ASIC2: variants seen among roughly 807,000 people sequenced by gnomAD.
The protein encoded by ASIC2 is acid sensing ion channel subunit 2.
ASIC2 carries 25 observed loss-of-function variants against 57.3 expected under a neutral mutation model. The observed-to-expected ratio is 0.44, with a 90% CI of 0.32 to 0.61. The LOEUF is 0.61. Among genes scored for constraint, ASIC2 ranks in the 20% least tolerant of loss-of-function variants. The probability of loss-of-function intolerance (pLI) is 0.06; values close to 1 mark genes in which losing one functional copy is unlikely to be tolerated. For missense variants in ASIC2, 641 were observed against 738.1 expected, an observed-to-expected ratio of 0.87 and a Z score of 1.52; for synonymous variants, 319 against 307.5, an observed-to-expected ratio of 1.04 and a Z score of -0.39.
intron 1 of ASIC2, among the ~76,000 whole-genome samples, chr17:33,228,357 G>T (rs1051632866): frequency 1.4e-4 from 22 of 152,186 alleles, no homozygotes; most frequent in East Asian, 1.2e-3. Context: ...TGAAAAAAAA[G>T]AAGGGGGGTA....
chr17:33,687,988 CAT>C (rs1908247496), intron 1 of ASIC2, among the ~76,000 whole-genome samples: 1 of 152,152 alleles, frequency 6.6e-6, no homozygotes, highest in Non-Finnish European at 1.5e-5. Context: ...GGAGATTAAT[CAT>C]AGCATTTTTC....
chr17:33,464,691 A>C (rs62068225), intron 1 of ASIC2, among the ~76,000 whole-genome samples: 45,090 of 92,214 alleles, frequency 0.49, 8,044 homozygotes, highest in African/African-American at 0.56. Context: ...CTCTCTCTAT[A>C]TATATATATA....
chr17:33,878,663 A>G (rs1412389949), intron 1 of ASIC2, among the ~76,000 whole-genome samples: 1 of 152,236 alleles, frequency 6.6e-6, no homozygotes, highest in Non-Finnish European at 1.5e-5. Flanking sequence ...GGAGAATGGA[A>G]CCAAGTTGGA....
chr17:34,019,778 TC>T (rs1907090801), intron 1 of ASIC2, among the ~76,000 whole-genome samples: 1 of 152,192 alleles, frequency 6.6e-6, no homozygotes, highest in Non-Finnish European at 1.5e-5. Context: ...CCACAATATC[TC>T]CAAAGTATGA....
chr17:33,354,847 GC>G (rs1440060140), intron 1 of ASIC2, among the ~76,000 whole-genome samples: 1 of 152,134 alleles, frequency 6.6e-6, no homozygotes, highest in Non-Finnish European at 1.5e-5. Context: ...ATTTACCATT[GC>G]CCTCTCCCCT....
At chr17:34,000,864 T>C (rs2142015239) in intron 1 of ASIC2, 1 of 152,328 alleles carries the variant, frequency 6.6e-6, no homozygotes. Flanking sequence ...TGAAACTCTT[T>C]ATGAACATTT....
At chr17:33,864,048 C>A in intron 1 of ASIC2, among the ~76,000 whole-genome samples, 1 of 152,108 alleles carries the variant, frequency 6.6e-6, no homozygotes, top group South Asian at 2.1e-4. Flanking sequence ...GGATTACAGG[C>A]AAGCACTATT....
At chr17:33,250,652 T>C (rs1234822064) in intron 1 of ASIC2, among the ~76,000 whole-genome samples, 1 of 152,220 alleles carries the variant, frequency 6.6e-6, no homozygotes, top group East Asian at 1.9e-4. Flanking sequence ...TTTTGTTTTA[T>C]AGGAAAACAT....
intron 1 of ASIC2, among the ~76,000 whole-genome samples, chr17:34,021,254 TA>T (rs910343960): frequency 2.2e-3 from 317 of 142,968 alleles, no homozygotes; most frequent in African/African-American, 4.1e-3. Context: ...ACAAACAAAT[TA>T]AAAAAAAAAA....
At chr17:34,088,261 A>G (rs1173809801) in intron 1 of ASIC2, among the ~76,000 whole-genome samples, 2 of 152,192 alleles carry the variant, frequency 1.3e-5, no homozygotes, top group African/African-American at 2.4e-5. Flanking sequence ...CTTCTAACAG[A>G]CAGGACCCTC....
intron 1 of ASIC2, among the ~76,000 whole-genome samples, chr17:33,226,137 G>A (rs780392767): frequency 6.6e-6 from 1 of 152,060 alleles, no homozygotes; most frequent in Non-Finnish European, 1.5e-5. Flanking sequence ...CTTTGTTATT[G>A]GTTTCCAGCC....
intron 7 of ASIC2, among the ~76,000 whole-genome samples, chr17:33,019,999 T>C (rs1200130874): frequency 1.3e-5 from 2 of 151,842 alleles, no homozygotes. Context: ...GAGTGAGGGG[T>C]CTATGTCTCT....
chr17:33,074,930 T>G (rs2092083502), intron 3 of ASIC2, among the ~76,000 whole-genome samples: 1 of 152,158 alleles, frequency 6.6e-6, no homozygotes, highest in South Asian at 2.1e-4. Flanking sequence ...CATGCAAAGA[T>G]GGATGTTACA....
intron 1 of ASIC2, among the ~76,000 whole-genome samples, chr17:33,264,419 T>C (rs1250857773): frequency 6.6e-6 from 1 of 152,168 alleles, no homozygotes; most frequent in Non-Finnish European, 1.5e-5. Context: ...ATTTTACAGA[T>C]GAGAAAACCA....
intron 1 of ASIC2, among the ~76,000 whole-genome samples, chr17:33,640,952 C>A (rs761741972): frequency 3.9e-5 from 6 of 152,262 alleles, no homozygotes; most frequent in Admixed American, 1.3e-4. Context: ...GAGTCCCTAC[C>A]TTGGAAAAAG....
intron 1 of ASIC2, among the ~76,000 whole-genome samples, chr17:34,099,661 A>AAGG (rs1164184378): frequency 1.4e-5 from 2 of 147,928 alleles, no homozygotes; most frequent in African/African-American, 5.2e-5. Flanking sequence ...GGAAGGAAGG[A>AAGG]AGGAAAGAAA....
intron 2 of ASIC2, among the ~76,000 whole-genome samples, chr17:33,093,690 T>C (rs1479112267): frequency 6.6e-6 from 1 of 152,094 alleles, no homozygotes; most frequent in Admixed American, 6.6e-5. Context: ...GGGAAGTGCA[T>C]TTTCTGAATA....
At chr17:33,579,605 A>G (rs1198792254) in intron 1 of ASIC2, among the ~76,000 whole-genome samples, 1 of 152,054 alleles carries the variant, frequency 6.6e-6, no homozygotes, top group Non-Finnish European at 1.5e-5. Context: ...GTGTGTCGGG[A>G]GTTTGTTCCT....
intron 1 of ASIC2, among the ~76,000 whole-genome samples, chr17:33,274,947 C>T (rs928546439): frequency 1.3e-5 from 2 of 152,100 alleles, no homozygotes; most frequent in Admixed American, 6.5e-5. Context: ...GATCCTGGTG[C>T]CCCCTAGTAC....
Sources: gnomAD v4.1 joint callset for allele counts (sites outside exome capture counted in the v4.1 genomes callset) on GRCh38, gnomAD v4.1.1 for gene constraint, MANE v1.5 for transcripts, NCBI Gene and HGNC (gene_info 2026-07-23, HGNC 2026-07-21) for gene names.